Variants in SPESP1 observed in about 807,000 individuals in gnomAD.
SPESP1 encodes equatorial segment protein.
In SPESP1, 1 loss-of-function variant was observed where a neutral mutation model predicts 3.1. That is an observed-to-expected ratio of 0.33 (90% CI 0.12 to 1.54). SPESP1 has a LOEUF of 1.54. Among genes scored for constraint, SPESP1 ranks in the 40% most tolerant of loss-of-function variants. The probability of loss-of-function intolerance (pLI) is 0.38; values close to 1 mark genes in which losing one functional copy is unlikely to be tolerated. For synonymous variants in SPESP1, 138 were observed against 150.7 expected (o/e 0.92, Z 0.62); for missense variants, 398 against 410.1 (o/e 0.97, Z 0.26).
chr15:68,931,809 CTG>C (rs1895550593), intron 1 of SPESP1, among the ~76,000 whole-genome samples: 1 of 152,172 alleles, frequency 6.6e-6, no homozygotes. Flanking sequence ...TTTAGTCTAA[CTG>C]TAGTTCATTG....
chr15:68,931,659 A>G (rs1159876115), intron 1 of SPESP1, among the ~76,000 whole-genome samples: 1 of 152,226 alleles, frequency 6.6e-6, no homozygotes, highest in East Asian at 1.9e-4. Context: ...AGACCTGCCA[A>G]GGAGCAATTT....
Position 68,945,692 on chromosome 15 carries a change from G to T in SPESP1, c.158G>T (p.Gly53Val). The change falls in exon 2 of 2, where the codon GGT (glycine) becomes GTT (valine). Residue 53 changes from glycine (G) to valine (V), a missense_variant. Gly to Val is a moderately radical substitution (Grantham distance 109). Transcript: ENST00000310673. ...LVRSVPSGEPGREKKSNSPKH... is the reference protein window; with the variant it reads ...LVRSVPSGEPVREKKSNSPKH... ...CGAAGTGTTCCCTCTGGGGAGCCAG[G>T]TCGTGAGAAAAAATCTAACTCTCCA... 1 of 1,613,886 alleles carries T rather than the reference G, an allele frequency of 6.2e-7. No homozygotes were observed. Among genetic ancestry groups the T allele is most frequent in the Non-Finnish European group, 8.5e-7 (1 of 1,179,952 alleles).
chr15:68,933,515 T>G (rs1416743197), intron 1 of SPESP1, among the ~76,000 whole-genome samples: 2 of 152,102 alleles, frequency 1.3e-5, no homozygotes, highest in Non-Finnish European at 2.9e-5. Context: ...GTATTTGCAC[T>G]GTGCAACTTA....
chr15:68,932,061 G>A (rs188120710), intron 1 of SPESP1, among the ~76,000 whole-genome samples: 67 of 152,226 alleles, frequency 4.4e-4, no homozygotes, highest in African/African-American at 1.5e-3. Context: ...TTAAATACTA[G>A]CATTTATGAT....
intron 1 of SPESP1, among the ~76,000 whole-genome samples, chr15:68,942,169 C>CTTTTTTTTT (rs778249415): frequency 1.4e-5 from 2 of 142,892 alleles, no homozygotes; most frequent in African/African-American, 5.2e-5. Flanking sequence ...CATCTTATTT[C>CTTTTTTTTT]TTTTTTTTTT....
chr15:68,930,679 CGCTTTTG>C lies in SPESP1; in HGVS notation c.27_33del (p.Leu10TyrfsTer12). 6.2e-7 allele frequency: 1 copy of C among 1,614,018 alleles called. No individual in the cohort carries two copies. Among genetic ancestry groups the C allele is most frequent in the Non-Finnish European group, 8.5e-7 (1 of 1,179,914 alleles). The stretch of plus-strand genomic sequence containing the variant: ...ATGAAGCCCTTAGTCCTTCTAGTTG[CGCTTTTG>C]CTATGGCCTTCGTCTGTGCCGGCTT... On this transcript the variant is annotated frameshift_variant, in exon 1 of 2. Coordinates refer to ENST00000310673, the MANE Select transcript of SPESP1 (RefSeq NM_145658.4). LOFTEE classifies it low-confidence loss of function (END_TRUNC).
chr15:68,945,809 A>T lies in SPESP1; in HGVS notation c.275A>T (p.Asn92Ile). The change falls in exon 2 of 2, where the codon AAT becomes ATT. Residue 92 changes from asparagine to isoleucine, a missense_variant. Transcript: ENST00000310673. Reference protein sequence around the residue: ...DASTENDVLTNPISEETTTFP... With the variant: ...DASTENDVLTIPISEETTTFP... The stretch of plus-strand genomic sequence containing the variant: ...TCAACTGAGAATGATGTTTTAACCA[A>T]TCCTATCAGTGAAGAAACTACAACT... The T allele has an allele frequency of 1.2e-6, 2 of 1,614,022 alleles. No individual in the cohort carries two copies. Among genetic ancestry groups the T allele is most frequent in the Non-Finnish European group, 1.7e-6 (2 of 1,179,988 alleles).
Position 68,930,564 on chromosome 15 carries a change from C to T in SPESP1, c.-90C>T. The stretch of plus-strand genomic sequence containing the variant: ...CAGGGCCTGAGGCAGGACGGTACTC[C>T]GCTGACACCTTCCCTTTCGGCCTTG... On this transcript the variant is annotated 5_prime_UTR_variant, in exon 1 of 2. Coordinates refer to ENST00000310673, the MANE Select transcript of SPESP1 (RefSeq NM_145658.4). 4 of 1,561,284 alleles carry T rather than the reference C, an allele frequency of 2.6e-6. No homozygotes were observed. The highest frequency in any genetic ancestry group is 3.5e-6 in the Non-Finnish European group (4 of 1,136,626).
At position 68,946,231 on chromosome 15, in the gene SPESP1, A is replaced by G. The variant is rs1254208727; in HGVS notation, c.697A>G (p.Ile233Val). The change falls in exon 2 of 2, where the codon ATT becomes GTT. Residue 233 changes from isoleucine to valine, a missense_variant. Ile to Val is a conservative substitution (Grantham distance 29, BLOSUM62 3). Transcript: ENST00000310673. ...TGACATTTTGAAAAAAATTTTAGATATTAATTCACAAGTGCAACAGGCACT... is the reference window on the plus strand; with the variant it reads ...TGACATTTTGAAAAAAATTTTAGATGTTAATTCACAAGTGCAACAGGCACT... Reference protein sequence around the residue: ...NDDILKKILDINSQVQQALLS... With the variant: ...NDDILKKILDVNSQVQQALLS... The G allele has an allele frequency of 6.2e-7, 1 of 1,614,168 alleles. No homozygotes were observed. The highest frequency in any genetic ancestry group is 8.5e-7 in the Non-Finnish European group (1 of 1,180,018).
chr15:68,930,571 A>G lies in SPESP1; in HGVS notation c.-83A>G. On this transcript the variant is annotated 5_prime_UTR_variant, in exon 1 of 2. Transcript: ENST00000310673. Reference sequence around the variant, plus strand: ...TGAGGCAGGACGGTACTCCGCTGACACCTTCCCTTTCGGCCTTGAGGTTCC... The same window carrying G: ...TGAGGCAGGACGGTACTCCGCTGACGCCTTCCCTTTCGGCCTTGAGGTTCC... 1.3e-6 allele frequency: 2 copies of G among 1,576,630 alleles called. No homozygotes were observed. Among genetic ancestry groups the G allele is most frequent in the South Asian group, 1.1e-5 (1 of 89,868 alleles).
intron 1 of SPESP1, among the ~76,000 whole-genome samples, chr15:68,941,096 G>T (rs927554154): frequency 6.6e-6 from 1 of 151,798 alleles, no homozygotes; most frequent in African/African-American, 2.4e-5. Flanking sequence ...TATCTGATAA[G>T]GCTAGGCTTT....
Position 68,946,221 on chromosome 15 carries a change from A to C in SPESP1, c.687A>C (p.Lys229Asn). 2 of 1,614,146 alleles carry C rather than the reference A, an allele frequency of 1.2e-6. No individual in the cohort carries two copies. Among genetic ancestry groups the C allele is most frequent in the South Asian group, 1.1e-5 (1 of 91,076 alleles). The stretch of plus-strand genomic sequence containing the variant: ...GGAATAATGATGACATTTTGAAAAA[A>C]ATTTTAGATATTAATTCACAAGTGC... ...ESWNNDDILK[K>N]ILDINSQVQQ... Residue 229 changes from lysine to asparagine, a missense_variant, in exon 2 of 2, where the codon AAA becomes AAC. Physicochemically the swap from Lys to Asn is moderately conservative, Grantham distance 94. Coordinates refer to ENST00000310673, the MANE Select transcript of SPESP1 (RefSeq NM_145658.4).
At chr15:68,933,858 C>CAA (rs1211639298) in intron 1 of SPESP1, among the ~76,000 whole-genome samples, 2 of 91,478 alleles carry the variant, frequency 2.2e-5, no homozygotes, top group Non-Finnish European at 4.7e-5. Context: ...GACCTTGTCT[C>CAA]AAAAAAAAAA....
At position 68,942,548 on chromosome 15, in the gene SPESP1, A is replaced by G. The variant is rs188609689; in HGVS notation, c.65-3051A>G. Among the ~76,000 whole-genome samples, 3 of 152,270 alleles carry G rather than the reference A, an allele frequency of 2.0e-5. No homozygotes were observed. In the East Asian group the frequency reaches 5.8e-4, roughly 29 times the overall value. On this transcript the variant is annotated intron_variant, in intron 1 of 1. Transcript: ENST00000310673. ...GGAAAAGCTTCTACTGTTTCCCACT[A>G]AATAAGATACAAAGTATATTTTAAT...
intron 1 of SPESP1, among the ~76,000 whole-genome samples, chr15:68,941,551 T>C (rs931844289): frequency 3.9e-5 from 6 of 152,186 alleles, no homozygotes; most frequent in African/African-American, 1.4e-4. Flanking sequence ...CCATGACTTG[T>C]GGCCACATCA....
chr15:68,940,464 TTG>T (rs1895789436), intron 1 of SPESP1, among the ~76,000 whole-genome samples: 1 of 152,210 alleles, frequency 6.6e-6, no homozygotes, highest in Non-Finnish European at 1.5e-5. Context: ...GTGTTTCTGA[TTG>T]TCTTTCTCTT....
chr15:68,941,024 G>A (rs1357282489), intron 1 of SPESP1, among the ~76,000 whole-genome samples: 1 of 151,556 alleles, frequency 6.6e-6, no homozygotes, highest in Non-Finnish European at 1.5e-5. Flanking sequence ...TCTGTTCATG[G>A]CCAATGCTAT....
At chr15:68,937,588 T>C (rs1895715340) in intron 1 of SPESP1, among the ~76,000 whole-genome samples, 1 of 152,078 alleles carries the variant, frequency 6.6e-6, no homozygotes, top group Non-Finnish European at 1.5e-5. Context: ...CTGCATCTAT[T>C]GGCCCATCCT....
At chr15:68,940,569 T>C (rs894600270) in intron 1 of SPESP1, among the ~76,000 whole-genome samples, 1 of 152,174 alleles carries the variant, frequency 6.6e-6, no homozygotes, top group Admixed American at 6.5e-5. Flanking sequence ...TAGTTCTTCC[T>C]CCATCTCTGT....
Sources: allele counts gnomAD v4.1 joint callset (sites outside exome capture counted in the v4.1 genomes callset), GRCh38; gene constraint gnomAD v4.1.1; transcripts MANE v1.5; gene names NCBI Gene and HGNC (gene_info 2026-07-23, HGNC 2026-07-21).